Variants in ANKS1B observed in about 807,000 individuals in gnomAD.
ANKS1B encodes ankyrin repeat and sterile alpha motif domain containing 1B.
ANKS1B carries 36 observed loss-of-function variants against 148.3 expected under a neutral mutation model. That is an observed-to-expected ratio of 0.24 (90% confidence interval 0.19 to 0.32). The LOEUF (loss-of-function observed/expected upper bound fraction) is 0.32. Ranked by LOEUF, ANKS1B falls within the 10% of genes least tolerant of loss-of-function variation. ANKS1B has a pLI of 1.00. For synonymous variants in ANKS1B, 542 were observed against 560.8 expected, an observed-to-expected ratio of 0.97 and a Z score of 0.47; for missense variants, 1,157 against 1,542.6, an observed-to-expected ratio of 0.75 and a Z score of 4.19.
chr12:99,770,670 T>C (rs183473363), intron 8 of ANKS1B, among the ~76,000 whole-genome samples: 1 of 152,072 alleles, frequency 6.6e-6, no homozygotes, highest in East Asian at 1.9e-4. Flanking sequence ...TAGATTTTTC[T>C]CATTTCTTAA....
chr12:99,472,719 C>T (rs2096261991), intron 10 of ANKS1B, among the ~76,000 whole-genome samples: 2 of 152,004 alleles, frequency 1.3e-5, no homozygotes, highest in Admixed American at 6.6e-5. Context: ...AATCACTGAA[C>T]AGTAGTAACA....
chr12:99,466,638 ACAT>A (rs1390322891), intron 10 of ANKS1B, among the ~76,000 whole-genome samples: 1 of 147,426 alleles, frequency 6.8e-6, no homozygotes, highest in African/African-American at 2.7e-5. Flanking sequence ...ATACAAACTA[ACAT>A]CAGAGAATAC....
intron 11 of ANKS1B, among the ~76,000 whole-genome samples, chr12:99,435,838 G>C (rs1337828824): frequency 6.6e-6 from 1 of 151,964 alleles, no homozygotes; most frequent in East Asian, 1.9e-4. Flanking sequence ...CAGACAGACT[G>C]ATTTAATTGG....
At chr12:99,364,874 G>T (rs908491518) in intron 12 of ANKS1B, among the ~76,000 whole-genome samples, 2 of 152,128 alleles carry the variant, frequency 1.3e-5, no homozygotes, top group Admixed American at 6.5e-5. Context: ...GATAGACAAG[G>T]GTCCTAGGGG....
chr12:98,962,642 C>T (rs113339621), intron 17 of ANKS1B, among the ~76,000 whole-genome samples: 198 of 152,158 alleles, frequency 1.3e-3, no homozygotes, highest in Non-Finnish European at 2.4e-3. Flanking sequence ...CCTCAGAGTA[C>T]GCATTCTTCT....
intron 9 of ANKS1B, among the ~76,000 whole-genome samples, chr12:99,553,743 A>G (rs904330733): frequency 8.5e-5 from 13 of 152,192 alleles, no homozygotes; most frequent in African/African-American, 3.1e-4. Context: ...CATTTGCTAA[A>G]GGCACCTTGA....
chr12:99,915,287 A>G (rs1352164019), intron 1 of ANKS1B, among the ~76,000 whole-genome samples: 1 of 151,290 alleles, frequency 6.6e-6, no homozygotes, highest in Non-Finnish European at 1.5e-5. Flanking sequence ...TGGGAAGAAT[A>G]TGGGAAGAAA....
chr12:98,951,813 G>A (rs2099854491), intron 17 of ANKS1B, among the ~76,000 whole-genome samples: 1 of 152,118 alleles, frequency 6.6e-6, no homozygotes, highest in Admixed American at 6.5e-5. Context: ...GGTTCATACG[G>A]GTCTTATGGC....
At chr12:99,745,056 G>GA (rs1567764238) in intron 8 of ANKS1B, among the ~76,000 whole-genome samples, 1 of 137,234 alleles carries the variant, frequency 7.3e-6, no homozygotes, top group African/African-American at 2.7e-5. Context: ...CCATCCTAAC[G>GA]AAAAAAACAC....
At chr12:99,895,305 G>T (rs1483026872) in intron 1 of ANKS1B, among the ~76,000 whole-genome samples, 1 of 149,728 alleles carries the variant, frequency 6.7e-6, no homozygotes, top group Non-Finnish European at 1.5e-5. Context: ...AGAACCAACG[G>T]GATAGAGAAA....
intron 8 of ANKS1B, among the ~76,000 whole-genome samples, chr12:99,689,075 A>G (rs978121173): frequency 6.6e-6 from 1 of 152,098 alleles, no homozygotes; most frequent in African/African-American, 2.4e-5. Context: ...CCAATTCACA[A>G]TCCTCTACTT....
At chr12:99,164,923 A>G (rs1381565475) in intron 14 of ANKS1B, among the ~76,000 whole-genome samples, 1 of 152,034 alleles carries the variant, frequency 6.6e-6, no homozygotes, top group Non-Finnish European at 1.5e-5. Flanking sequence ...TTCATTGGTC[A>G]CCACTATTTC....
intron 14 of ANKS1B, among the ~76,000 whole-genome samples, chr12:99,155,685 C>T (rs569497768): frequency 2.6e-5 from 4 of 152,130 alleles, no homozygotes; most frequent in African/African-American, 7.2e-5. Flanking sequence ...ATAGAACCCA[C>T]AGGACTAGAT....
At chr12:99,403,193 A>G (rs1433935469) in intron 11 of ANKS1B, among the ~76,000 whole-genome samples, 1 of 99,750 alleles carries the variant, frequency 1.0e-5, no homozygotes, top group Non-Finnish European at 1.8e-5. Context: ...CGGAGTCTCT[A>G]TCACCCAGGC....
At chr12:99,875,206 A>G (rs953830087) in intron 1 of ANKS1B, among the ~76,000 whole-genome samples, 1 of 152,198 alleles carries the variant, frequency 6.6e-6, no homozygotes, top group Non-Finnish European at 1.5e-5. Flanking sequence ...GTCAGAAAAG[A>G]ATAAATGCAG....
intron 15 of ANKS1B, among the ~76,000 whole-genome samples, chr12:99,099,504 C>G (rs1228511425): frequency 1.3e-5 from 2 of 152,200 alleles, no homozygotes; most frequent in African/African-American, 4.8e-5. Context: ...TTGCATGGGG[C>G]TGCACTCTCA....
At chr12:99,771,138 C>T (rs1463244379) in intron 8 of ANKS1B, among the ~76,000 whole-genome samples, 2 of 152,038 alleles carry the variant, frequency 1.3e-5, no homozygotes, top group Non-Finnish European at 2.9e-5. Flanking sequence ...ATACAGACCC[C>T]AGGGCATATA....
intron 17 of ANKS1B, among the ~76,000 whole-genome samples, chr12:99,045,650 C>T (rs775965215): frequency 5.9e-5 from 9 of 152,100 alleles, no homozygotes; most frequent in South Asian, 4.1e-4. Flanking sequence ...GATGGAATAA[C>T]GGGGGCTAGA....
At chr12:99,087,245 G>T (rs1229708087) in intron 15 of ANKS1B, among the ~76,000 whole-genome samples, 1 of 152,182 alleles carries the variant, frequency 6.6e-6, no homozygotes, top group Non-Finnish European at 1.5e-5. Context: ...AATAATATCA[G>T]ACTATGCTAT....
Sources: allele counts gnomAD v4.1 joint callset (sites outside exome capture counted in the v4.1 genomes callset), GRCh38; gene constraint gnomAD v4.1.1; transcripts MANE v1.5; gene names NCBI Gene and HGNC (gene_info 2026-07-23, HGNC 2026-07-21).